BACH2: variants seen among roughly 807,000 people sequenced by gnomAD.
BACH2 encodes the protein BACH transcriptional regulator 2, also known as transcription regulator protein BACH2.
A neutral mutation model predicts 61.8 loss-of-function variants in BACH2; 5 were observed. That is an observed-to-expected ratio of 0.08 (90% CI 0.04 to 0.17). The LOEUF is 0.17. BACH2 is among the 10% of genes least tolerant of loss of function. The probability of loss-of-function intolerance (pLI) is 1.00; values close to 1 mark genes in which losing one functional copy is unlikely to be tolerated. For synonymous variants in BACH2, 446 were observed against 440.1 expected (o/e 1.01, Z -0.17); for missense variants, 824 against 1,091.1 (o/e 0.76, Z 3.45).
chr6:90,046,921 A>ATTTCTTTC (rs71556551), intron 5 of BACH2, among the ~76,000 whole-genome samples: 41,979 of 150,318 alleles, frequency 0.28, 6,438 homozygotes, highest in East Asian at 0.66. Context: ...TGCCCATGTA[A>ATTTCTTTC]TTTCTTTCTT....
intron 1 of BACH2, among the ~76,000 whole-genome samples, chr6:90,292,716 A>C (rs111577789): frequency 9.2e-5 from 14 of 152,230 alleles, no homozygotes; most frequent in African/African-American, 3.4e-4. Flanking sequence ...AAAGATATTA[A>C]ACAAAAAAAG....
At chr6:90,073,850 T>C (rs552358384) in intron 5 of BACH2, among the ~76,000 whole-genome samples, 5 of 152,316 alleles carry the variant, frequency 3.3e-5, no homozygotes, top group African/African-American at 1.2e-4. Context: ...TAGAGAATTA[T>C]TATCAAGCCT....
chr6:90,256,726 T>C (rs527577693), intron 2 of BACH2, among the ~76,000 whole-genome samples: 7 of 152,292 alleles, frequency 4.6e-5, no homozygotes, highest in African/African-American at 1.2e-4. Context: ...AATTAACATA[T>C]CCATCATCTC....
At chr6:90,134,748 T>C (rs760507634) in intron 4 of BACH2, among the ~76,000 whole-genome samples, 8 of 152,196 alleles carry the variant, frequency 5.3e-5, no homozygotes, top group African/African-American at 9.7e-5. Flanking sequence ...AATGGAGAGC[T>C]GTATGGTCTG....
At chr6:90,206,493 G>T (rs986592798) in intron 4 of BACH2, 76 bp downstream of exon 4, 1 of 152,316 alleles carries the variant, frequency 6.6e-6, no homozygotes, top group African/African-American at 2.4e-5. Flanking sequence ...TCACATCATG[G>T]AAAGACATAT....
At chr6:90,153,818 GTGGGGTACATTT>G (rs1391333468) in intron 4 of BACH2, among the ~76,000 whole-genome samples, 1 of 152,188 alleles carries the variant, frequency 6.6e-6, no homozygotes, top group Non-Finnish European at 1.5e-5. Flanking sequence ...TTCCTAACCA[GTGGGGTACATTT>G]TCCTCCTTGA....
In BACH2 at chr6:90,296,736, C is replaced by G. The variant is rs1772413452; in HGVS notation, c.-702G>C. ...TGGGCAGGCGGGGTGGCGAGGGCGG[C>G]GGCCGCTCACGTTAGCGCTGTGCGA... On this transcript the variant is annotated 5_prime_UTR_variant, in exon 1 of 9. Coordinates refer to ENST00000257749, the MANE Select transcript of BACH2 (RefSeq NM_021813.4). 6.5e-6 allele frequency: 1 copy of G among 154,334 alleles called. No individual in the cohort carries two copies. The highest frequency in any genetic ancestry group is 1.4e-5 in the Non-Finnish European group (1 of 69,414). 9.6% of individuals were successfully genotyped at this position (154,334 alleles called of 1,614,324 possible).
At chr6:90,100,702 G>GACACACACACACACACACACAC (rs372719418) in intron 4 of BACH2, among the ~76,000 whole-genome samples, 2 of 64,246 alleles carry the variant, frequency 3.1e-5, no homozygotes, top group African/African-American at 6.6e-5. Flanking sequence ...CACACACACA[G>GACACACACACACACACACACAC]ACACACACAC....
At chr6:90,265,403 T>C (rs1771291855) in intron 2 of BACH2, among the ~76,000 whole-genome samples, 1 of 152,252 alleles carries the variant, frequency 6.6e-6, no homozygotes, top group Non-Finnish European at 1.5e-5. Context: ...CTTTAGGCTG[T>C]ACAAGTATTT....
intron 6 of BACH2, among the ~76,000 whole-genome samples, chr6:89,997,834 C>T (rs1367305440): frequency 1.3e-5 from 2 of 152,160 alleles, no homozygotes; most frequent in African/African-American, 4.8e-5. Flanking sequence ...GGTGTGGCCA[C>T]TGCTCATAGA....
At chr6:89,970,924 T>C (rs1489289287) in intron 6 of BACH2, among the ~76,000 whole-genome samples, 1 of 152,230 alleles carries the variant, frequency 6.6e-6, no homozygotes, top group Non-Finnish European at 1.5e-5. Flanking sequence ...TCAAAAAATA[T>C]ATGCGGGATC....
chr6:90,116,267 A>G (rs1291593476), intron 4 of BACH2, among the ~76,000 whole-genome samples: 4 of 152,230 alleles, frequency 2.6e-5, no homozygotes, highest in Non-Finnish European at 2.9e-5. Flanking sequence ...GACAGACTGG[A>G]TAAAGAAAAT....
chr6:90,002,854 T>C (rs1221334525), intron 6 of BACH2, among the ~76,000 whole-genome samples: 1 of 152,172 alleles, frequency 6.6e-6, no homozygotes, highest in Non-Finnish European at 1.5e-5. Flanking sequence ...TTCACCCATC[T>C]CAGTTAATGC....
At chr6:90,054,940 C>A (rs570855542) in intron 5 of BACH2, among the ~76,000 whole-genome samples, 5 of 152,098 alleles carry the variant, frequency 3.3e-5, no homozygotes, top group Non-Finnish European at 7.4e-5. Flanking sequence ...AACTAACAAA[C>A]GGAAAGGACA....
intron 4 of BACH2, among the ~76,000 whole-genome samples, chr6:90,202,308 T>C (rs1416714881): frequency 6.6e-6 from 1 of 152,154 alleles, no homozygotes; most frequent in African/African-American, 2.4e-5. Context: ...CAAATGAAGG[T>C]AGAAACTAAA....
At chr6:90,249,810 A>T (rs2127869570) in intron 3 of BACH2, among the ~76,000 whole-genome samples, 1 of 152,302 alleles carries the variant, frequency 6.6e-6, no homozygotes, top group East Asian at 1.9e-4. Flanking sequence ...GAACAACAAA[A>T]AGCAACACTA....
At chr6:90,021,905 A>G (rs1778397216) in intron 5 of BACH2, among the ~76,000 whole-genome samples, 1 of 152,158 alleles carries the variant, frequency 6.6e-6, no homozygotes, top group Non-Finnish European at 1.5e-5. Context: ...TTACTCAAAC[A>G]CTCCATCTGC....
At chr6:90,169,921 G>A (rs1483285180) in intron 4 of BACH2, among the ~76,000 whole-genome samples, 1 of 152,122 alleles carries the variant, frequency 6.6e-6, no homozygotes, top group Non-Finnish European at 1.5e-5. Flanking sequence ...GTGGGAATTG[G>A]TGGGCAGAAA....
intron 6 of BACH2, among the ~76,000 whole-genome samples, chr6:89,967,731 CAG>C (rs1348310291): frequency 6.6e-6 from 1 of 152,172 alleles, no homozygotes; most frequent in African/African-American, 2.4e-5. Flanking sequence ...GGTAAAAATA[CAG>C]AGACTCAAAG....
Sources: allele counts gnomAD v4.1 joint callset (sites outside exome capture counted in the v4.1 genomes callset), GRCh38; gene constraint gnomAD v4.1.1; transcripts MANE v1.5; gene names NCBI Gene and HGNC (gene_info 2026-07-23, HGNC 2026-07-21).